The following CAMSAP1 variants were observed in gnomAD, a reference collection of about 807,000 sequenced individuals.
CAMSAP1 encodes calmodulin regulated spectrin associated protein 1, also known as calmodulin-regulated spectrin-associated protein 1.
CAMSAP1 carries 58 observed loss-of-function variants against 143.5 expected under a neutral mutation model. The ratio of observed to expected loss-of-function variants is 0.40; its 90% CI spans 0.33 to 0.50. The LOEUF is 0.50. CAMSAP1 is among the 20% of genes least tolerant of loss of function. The probability of loss-of-function intolerance (pLI) is 0.45; values close to 1 mark genes in which losing one functional copy is unlikely to be tolerated. For missense variants in CAMSAP1, 1,969 were observed against 2,115.7 expected, an observed-to-expected ratio of 0.93 and a Z score of 1.36; for synonymous variants, 945 against 859.3, an observed-to-expected ratio of 1.10 and a Z score of -1.74.
intron 7 of CAMSAP1, among the ~76,000 whole-genome samples, chr9:135,833,233 C>T (rs1835911719): frequency 6.6e-6 from 1 of 152,108 alleles, no homozygotes; most frequent in African/African-American, 2.4e-5. Context: ...AGGCGCCCGC[C>T]ACTACGCCCG....
chr9:135,834,671 C>A (rs565167728), intron 7 of CAMSAP1, among the ~76,000 whole-genome samples: 2 of 152,120 alleles, frequency 1.3e-5, no homozygotes, highest in South Asian at 4.2e-4. Context: ...TCAAAGGGCA[C>A]CAAGTTTCCA....
intron 1 of CAMSAP1, among the ~76,000 whole-genome samples, chr9:135,884,209 C>A (rs1005199443): frequency 2.8e-4 from 42 of 152,264 alleles, no homozygotes; most frequent in African/African-American, 8.9e-4. Flanking sequence ...CATGAAGAAA[C>A]CCCACTGACT....
At position 135,820,932 on chromosome 9, in the gene CAMSAP1, G is replaced by A. The variant is rs1446975732; in HGVS notation, c.3729C>T (p.Ala1243=). 5 of 1,613,762 alleles carry A rather than the reference G, an allele frequency of 3.1e-6. No homozygotes were observed. The highest frequency in any genetic ancestry group is 1.3e-5 in the African/African-American group (1 of 75,052). ...TTACCAGCTCCCCATCCTCGTCGGG[G>A]GCCTTCAGGTCGGAGAGGTCCACTT... ...LIEVDLSDLK[A]PDEDGELVSL... is the part of the protein sequence containing the mutation. The change falls in exon 11 of 17, where the codon GCC becomes GCT. Residue 1243 remains alanine (A), a synonymous_variant. Transcript: ENST00000389532. The surrounding 1 kb of genome is among the most constrained non-coding windows in gnomAD (Gnocchi z 4.4).
chr9:135,883,403 A>G (rs377687161), intron 1 of CAMSAP1, among the ~76,000 whole-genome samples: 118 of 152,254 alleles, frequency 7.8e-4, no homozygotes, highest in African/African-American at 2.8e-3. Context: ...CTAACTTAAC[A>G]GCAGTAAGAA....
In CAMSAP1 at chr9:135,810,525, T is replaced by C. The variant is rs1257298493; in HGVS notation, c.*784A>G. On this transcript the variant is annotated 3_prime_UTR_variant, in exon 17 of 17. Transcript: ENST00000389532. ...TGCAGTTGGCTCGGCTTGCCTACTTTAAATGAGGCAAACATCAGCTCCTAG... is the reference window on the plus strand; with the variant it reads ...TGCAGTTGGCTCGGCTTGCCTACTTCAAATGAGGCAAACATCAGCTCCTAG... The C allele has an allele frequency of 6.6e-6, 1 of 152,630 alleles. No homozygotes were observed. The highest frequency in any genetic ancestry group is 1.9e-4 in the East Asian group (1 of 5,194). The allele number at this position is 152,630 out of a possible 1,614,324, so 9.5% of individuals were successfully genotyped here.
chr9:135,813,536 G>A (rs1835126127), intron 16 of CAMSAP1, among the ~76,000 whole-genome samples: 1 of 152,230 alleles, frequency 6.6e-6, no homozygotes, highest in South Asian at 2.1e-4. Flanking sequence ...GCGGGACTGT[G>A]GGGAGTGGGG....
intron 2 of CAMSAP1, 88 bp from the exon 3 acceptor site, chr9:135,881,882 T>C (rs1005189238): frequency 9.5e-6 from 14 of 1,467,268 alleles, no homozygotes; most frequent in Non-Finnish European, 1.1e-5. Flanking sequence ...CTCAGCATTC[T>C]GGCCTAATTT....
intron 5 of CAMSAP1, among the ~76,000 whole-genome samples, chr9:135,860,748 T>C (rs1051626944): frequency 1.3e-5 from 2 of 152,104 alleles, no homozygotes; most frequent in South Asian, 4.1e-4. Flanking sequence ...TCCTGTTATC[T>C]TTCACCCATG....
At chr9:135,899,005 A>G (rs1838535983) in intron 1 of CAMSAP1, among the ~76,000 whole-genome samples, 1 of 147,942 alleles carries the variant, frequency 6.8e-6, no homozygotes, top group Non-Finnish European at 1.5e-5. Context: ...ACCATGGAAT[A>G]TTATTACTAA....
intron 7 of CAMSAP1, among the ~76,000 whole-genome samples, chr9:135,842,411 T>C (rs954455009): frequency 3.3e-5 from 5 of 152,106 alleles, no homozygotes; most frequent in African/African-American, 1.2e-4. Context: ...TGGAACCAAG[T>C]TGGAAAACAA....
rs78774780 is a variant in CAMSAP1, at chr9:135,822,774, G to A, written c.1887C>T (p.Ser629=). Residue 629 remains serine (S), a synonymous_variant, in exon 11 of 17, where the codon AGC becomes AGT. Coordinates refer to ENST00000389532, the MANE Select transcript of CAMSAP1 (RefSeq NM_015447.4). The surrounding 1 kb of genome is among the most constrained non-coding windows in gnomAD (Gnocchi z 6.1). ...RPRSIVSRRP[S]EGPQPLVRRK... Reference sequence around the variant, plus strand: ...TTCGTACCAAAGGCTGGGGGCCCTCGCTGGGCCTCCTAGACACGATGCTCC... The same window carrying A: ...TTCGTACCAAAGGCTGGGGGCCCTCACTGGGCCTCCTAGACACGATGCTCC... 5,251 of 1,613,734 alleles carry A rather than the reference G, an allele frequency of 3.3e-3. 138 individuals carry two copies. In the East Asian group the frequency reaches 0.075, roughly 23 times the overall value.
intron 1 of CAMSAP1, among the ~76,000 whole-genome samples, chr9:135,891,638 G>A (rs1352707132): frequency 6.6e-6 from 1 of 152,158 alleles, no homozygotes; most frequent in African/African-American, 2.4e-5. Context: ...GATGTTCACA[G>A]AGCCCAATGT....
chr9:135,862,744 AAG>A, intron 4 of CAMSAP1, 136 bp from the exon 5 acceptor site: 1 of 916,010 alleles, frequency 1.1e-6, no homozygotes, highest in Non-Finnish European at 1.6e-6. Flanking sequence ...ATAATCTAGA[AAG>A]AGTTAGAAAC....
chr9:135,835,556 G>C (rs1392594493), intron 7 of CAMSAP1, among the ~76,000 whole-genome samples: 1 of 152,180 alleles, frequency 6.6e-6, no homozygotes, highest in African/African-American at 2.4e-5. Flanking sequence ...GAGCCAACAA[G>C]GGCACTGGTG....
At chr9:135,861,219 G>A (rs572265847) in intron 5 of CAMSAP1, among the ~76,000 whole-genome samples, 2 of 152,182 alleles carry the variant, frequency 1.3e-5, no homozygotes, top group African/African-American at 4.8e-5. Context: ...CAGGCCCAAG[G>A]GGCCCCAGGG....
intron 3 of CAMSAP1, among the ~76,000 whole-genome samples, chr9:135,879,456 A>G (rs1037558836): frequency 2.0e-5 from 3 of 152,148 alleles, no homozygotes; most frequent in Non-Finnish European, 4.4e-5. Context: ...AGAGAAGGAG[A>G]GTAAGGGACA....
chr9:135,877,844 A>C (rs951427508), intron 3 of CAMSAP1, among the ~76,000 whole-genome samples: 4 of 152,116 alleles, frequency 2.6e-5, no homozygotes, highest in African/African-American at 9.7e-5. Flanking sequence ...AGACAACAAC[A>C]ACAACTGGCT....
chr9:135,819,115 T>C lies in CAMSAP1; in HGVS notation c.3854A>G (p.Lys1285Arg), dbSNP rs1301593455. Residue 1285 changes from lysine to arginine, a missense_variant, in exon 12 of 17, where the codon AAG (lysine) becomes AGG (arginine). Physicochemically the swap from Lys to Arg is conservative, Grantham distance 26. This residue lies in a region of CAMSAP1 where 1,390 missense variants were observed against 1,420.8 expected (regional missense o/e 0.98). Coordinates refer to ENST00000389532, the MANE Select transcript of CAMSAP1 (RefSeq NM_015447.4). ...DEQKAEDELA[K>R]KRAAFLLKQQ... is the part of the protein sequence containing the mutation. ...CTTCAGGAGGAAGGCCGCCCGCTTC[T>C]TGGCGAGCTCATCTTCCGCTTTCTG... is the stretch of plus-strand genomic sequence containing the variant. The C allele has an allele frequency of 1.9e-6, 3 of 1,602,140 alleles. No homozygotes were observed. Among genetic ancestry groups the C allele is most frequent in the East Asian group, 2.3e-5 (1 of 44,330 alleles).
chr9:135,873,331 T>G (rs1289209884), intron 3 of CAMSAP1, among the ~76,000 whole-genome samples: 2 of 152,204 alleles, frequency 1.3e-5, no homozygotes, highest in Admixed American at 6.5e-5. Flanking sequence ...AAGTGCCGCT[T>G]AGAGAGGAAT....
Sources: allele counts gnomAD v4.1 joint callset (sites outside exome capture counted in the v4.1 genomes callset), GRCh38; gene constraint gnomAD v4.1.1; regional missense constraint gnomAD v4.1.1; non-coding constraint Gnocchi (gnomAD v3.1); transcripts MANE v1.5; gene names NCBI Gene and HGNC (gene_info 2026-07-23, HGNC 2026-07-21).